Variants in HCRTR2 observed in about 807,000 individuals in gnomAD.
HCRTR2 encodes the protein hypocretin receptor 2.
Under a neutral mutation model 49.0 loss-of-function variants are expected in HCRTR2, and 22 were observed. The ratio of observed to expected loss-of-function variants is 0.45; its 90% CI spans 0.32 to 0.64. The LOEUF (loss-of-function observed/expected upper bound fraction) is 0.64. Ranked by LOEUF, HCRTR2 falls within the 30% of genes least tolerant of loss-of-function variation. The probability of loss-of-function intolerance (pLI) is 0.04; values close to 1 mark genes in which losing one functional copy is unlikely to be tolerated. For synonymous variants in HCRTR2, 236 were observed against 205.3 expected (o/e 1.15, Z -1.28); for missense variants, 491 against 559.4 (o/e 0.88, Z 1.23).
In HCRTR2 at chr6:55,222,531, A is replaced by G. The variant is rs1356396522; in HGVS notation, c.224-26108A>G. On this transcript the variant is annotated intron_variant, in intron 1 of 6. Coordinates refer to ENST00000370862, the MANE Select transcript of HCRTR2 (RefSeq NM_001384272.1). The stretch of plus-strand genomic sequence containing the variant: ...TTTACAATAGTCAAGAGGTGGAAAC[A>G]AATGAAATATATAATGACAGATGAT... 2.0e-5 allele frequency among the ~76,000 whole-genome samples: 3 copies of G among 152,210 alleles called. No homozygotes were observed. In the East Asian group the frequency reaches 5.8e-4, roughly 29 times the overall value.
chr6:55,136,346 T>C (rs950684140), intron 1 of HCRTR2, among the ~76,000 whole-genome samples: 1 of 152,052 alleles, frequency 6.6e-6, no homozygotes, highest in Non-Finnish European at 1.5e-5. Flanking sequence ...TAATAATGAG[T>C]CAAACTAACT....
intron 1 of HCRTR2, among the ~76,000 whole-genome samples, chr6:55,111,654 T>C (rs565618425): frequency 1.3e-5 from 2 of 152,096 alleles, no homozygotes; most frequent in South Asian, 2.1e-4. Flanking sequence ...GAAGTGATCA[T>C]TTAAAAATTG....
At chr6:55,255,008 T>G in intron 2 of HCRTR2, 128 bp from the exon 3 acceptor site, 3 of 901,334 alleles carry the variant, frequency 3.3e-6, no homozygotes, top group African/African-American at 1.7e-5. Flanking sequence ...CTTGCATGGA[T>G]TGTTTATTTT....
intron 1 of HCRTR2, among the ~76,000 whole-genome samples, chr6:55,164,630 G>T (rs908325841): frequency 1.3e-5 from 2 of 152,114 alleles, no homozygotes; most frequent in Non-Finnish European, 2.9e-5. Flanking sequence ...GTCAGGCAGT[G>T]GGGGGCTAGG....
At chr6:55,146,463 C>T (rs1239407785) in intron 1 of HCRTR2, among the ~76,000 whole-genome samples, 1 of 151,772 alleles carries the variant, frequency 6.6e-6, no homozygotes, top group Non-Finnish European at 1.5e-5. Context: ...CTAATTCATT[C>T]CTGGGCAAAT....
chr6:55,150,252 C>T (rs142093636), intron 1 of HCRTR2, among the ~76,000 whole-genome samples: 85 of 151,818 alleles, frequency 5.6e-4, no homozygotes, highest in African/African-American at 1.9e-3. Flanking sequence ...AAGTTGTCAC[C>T]ACCGTCAAAT....
chr6:55,161,799 T>C (rs887513918), intron 1 of HCRTR2, among the ~76,000 whole-genome samples: 2 of 152,100 alleles, frequency 1.3e-5, no homozygotes, highest in Non-Finnish European at 2.9e-5. Context: ...GTCAAATCCC[T>C]GAACAGACCA....
chr6:55,126,888 G>C (rs943414673), intron 1 of HCRTR2, among the ~76,000 whole-genome samples: 5 of 152,130 alleles, frequency 3.3e-5, no homozygotes, highest in African/African-American at 1.2e-4. Flanking sequence ...GCCTACTCAA[G>C]CCTCAGCAAT....
intron 1 of HCRTR2, among the ~76,000 whole-genome samples, chr6:55,132,468 T>C (rs1489127380): frequency 1.3e-5 from 2 of 151,928 alleles, no homozygotes; most frequent in Non-Finnish European, 2.9e-5. Context: ...ATTGACACAC[T>C]ATGCATGCCA....
chr6:55,234,548 C>T (rs535112459), intron 1 of HCRTR2, among the ~76,000 whole-genome samples: 1 of 151,986 alleles, frequency 6.6e-6, no homozygotes, highest in Non-Finnish European at 1.5e-5. Context: ...CAAATTGACC[C>T]ATAAATGTGG....
chr6:55,200,278 T>TGTGTGTGTGG (rs1562004628), intron 1 of HCRTR2, among the ~76,000 whole-genome samples: 1 of 142,964 alleles, frequency 7.0e-6, no homozygotes, highest in Non-Finnish European at 1.5e-5. Flanking sequence ...TGTGTGTGTG[T>TGTGTGTGTGG]TTTTGAAACG....
chr6:55,241,388 CAGGTT>C (rs978707148), intron 1 of HCRTR2, among the ~76,000 whole-genome samples: 2 of 152,066 alleles, frequency 1.3e-5, no homozygotes, highest in Non-Finnish European at 1.5e-5. Context: ...ACGATGGAAG[CAGGTT>C]CAAATGCTTT....
intron 1 of HCRTR2, among the ~76,000 whole-genome samples, chr6:55,232,965 T>TA (rs1337232234): frequency 6.6e-6 from 1 of 152,172 alleles, no homozygotes; most frequent in Non-Finnish European, 1.5e-5. Flanking sequence ...GAAGAAAATA[T>TA]TTTTACACAA....
At chr6:55,187,443 AAAAAAAG>A in intron 1 of HCRTR2, among the ~76,000 whole-genome samples, 1 of 144,724 alleles carries the variant, frequency 6.9e-6, no homozygotes, top group African/African-American at 2.6e-5. Context: ...AAAAAAAAAA[AAAAAAAG>A]AAAACGAAAA....
At chr6:55,225,935 A>C (rs1477491705) in intron 1 of HCRTR2, among the ~76,000 whole-genome samples, 1 of 152,190 alleles carries the variant, frequency 6.6e-6, no homozygotes, top group Admixed American at 6.5e-5. Flanking sequence ...CATTTTCAAA[A>C]TCTTTTCATT....
intron 1 of HCRTR2, among the ~76,000 whole-genome samples, chr6:55,130,385 TG>T (rs1459593866): frequency 1.4e-5 from 2 of 145,436 alleles, no homozygotes; most frequent in Non-Finnish European, 3.0e-5. Context: ...TTTGTTGTTT[TG>T]TTTTTTTTTT....
intron 1 of HCRTR2, among the ~76,000 whole-genome samples, chr6:55,142,975 T>TAGAA (rs1554167792): frequency 8.2e-6 from 1 of 121,712 alleles, no homozygotes; most frequent in East Asian, 2.3e-4. Flanking sequence ...CAGATTATGA[T>TAGAA]AGAAAGATGA....
intron 1 of HCRTR2, among the ~76,000 whole-genome samples, chr6:55,225,955 C>A (rs1485051223): frequency 6.6e-6 from 1 of 152,238 alleles, no homozygotes; most frequent in Non-Finnish European, 1.5e-5. Flanking sequence ...TTGGTCCTCA[C>A]CACAATACTG....
At chr6:55,175,821 A>G (rs1194783464) in intron 1 of HCRTR2, among the ~76,000 whole-genome samples, 1 of 152,118 alleles carries the variant, frequency 6.6e-6, no homozygotes. Flanking sequence ...AACTTGAAAT[A>G]AATTGTGAAT....
Sources: allele counts gnomAD v4.1 joint callset (sites outside exome capture counted in the v4.1 genomes callset), GRCh38; gene constraint gnomAD v4.1.1; transcripts MANE v1.5; gene names NCBI Gene and HGNC (gene_info 2026-07-23, HGNC 2026-07-21).